The following COX18 variants were observed in gnomAD, a reference collection of about 807,000 sequenced individuals.
COX18 encodes the protein cytochrome c oxidase assembly protein COX18, mitochondrial.
COX18 carries 45 observed loss-of-function variants against 38.0 expected under a neutral mutation model. The ratio of observed to expected loss-of-function variants is 1.18; its 90% CI spans 0.93 to 1.52. The LOEUF (loss-of-function observed/expected upper bound fraction) is 1.52. Ranked by LOEUF, COX18 falls within the 40% of genes most tolerant of loss-of-function variation. COX18 has a pLI of 0.00. For synonymous variants in COX18, 177 were observed against 169.8 expected, an observed-to-expected ratio of 1.04 and a Z score of -0.33; for missense variants, 462 against 423.8, an observed-to-expected ratio of 1.09 and a Z score of -0.79.
In COX18 at chr4:73,058,188, T is replaced by C. The variant is rs754615094; in HGVS notation, c.931A>G (p.Thr311Ala). The C allele has an allele frequency of 6.8e-6, 11 of 1,613,558 alleles. No individual in the cohort carries two copies. Among genetic ancestry groups the C allele is most frequent in the African/African-American group, 2.7e-5 (2 of 74,874 alleles). ...GFRQLCRIPS[T>A]KSDSETPYKD... ...TAAGGAGTTTCTGAATCTGACTTGG[T>C]CGATGGTATTCGGCAAAGTTGGCGA... Residue 311 changes from threonine to alanine, a missense_variant, in exon 6 of 6, where the codon ACC becomes GCC. Thr to Ala is a moderately conservative substitution (Grantham distance 58). Coordinates refer to ENST00000507544, the MANE Select transcript of COX18 (RefSeq NM_001297732.2).
intron 3 of COX18, 131 bp from the exon 4 acceptor site, chr4:73,065,033 C>A (rs1720367253): frequency 2.0e-6 from 2 of 1,020,888 alleles, no homozygotes; most frequent in Middle Eastern, 3.1e-4. Context: ...TGGATTTATT[C>A]CAGTTTTTCA....
rs1719822123 is a variant in COX18 at position 73,054,558 on chromosome 4, A to C, written c.*3556T>G. On this transcript the variant is annotated 3_prime_UTR_variant, in exon 6 of 6. Coordinates refer to ENST00000507544, the MANE Select transcript of COX18 (RefSeq NM_001297732.2). Reference sequence around the variant, plus strand: ...TGGAGGAAGGGCCTTGTATTCTCAAACTTCCTGTATATATTTGAAAAGAAA... The same window carrying C: ...TGGAGGAAGGGCCTTGTATTCTCAACCTTCCTGTATATATTTGAAAAGAAA... 1 of 152,170 alleles carries C rather than the reference A, an allele frequency of 6.6e-6. No individual in the cohort carries two copies. Among genetic ancestry groups the C allele is most frequent in the Admixed American group, 6.5e-5 (1 of 15,270 alleles). The allele number at this position is 152,170 out of a possible 1,614,324, so 9.4% of individuals were successfully genotyped here.
intron 2 of COX18, among the ~76,000 whole-genome samples, chr4:73,067,333 C>G (rs553246044): frequency 7.2e-5 from 11 of 152,310 alleles, no homozygotes; most frequent in South Asian, 2.1e-4. Context: ...TCCTGTGAAC[C>G]CTGCCCTGAC....
At chr4:73,065,014 G>A in intron 3 of COX18, 112 bp from the exon 4 acceptor site, 5 of 1,092,714 alleles carry the variant, frequency 4.6e-6, no homozygotes, top group Non-Finnish European at 6.6e-6. Flanking sequence ...TCACAGGAAA[G>A]ATCTGCACTG....
At position 73,052,970 on chromosome 4, in the gene COX18, TAGA is replaced by T. The variant is rs1719782493; in HGVS notation, c.*5141_*5143del. On this transcript the variant is annotated 3_prime_UTR_variant, in exon 6 of 6. Transcript: ENST00000507544. ...AAAAAAAGGTGATTCCTGGGATTCTTAGAAGAATAAAATATGAAGGTATAAGTG... is the reference window on the plus strand; with the variant it reads ...AAAAAAAGGTGATTCCTGGGATTCTTAGAATAAAATATGAAGGTATAAGTG... 1 of 151,790 alleles carries T rather than the reference TAGA, an allele frequency of 6.6e-6. No individual in the cohort carries two copies. The highest frequency in any genetic ancestry group is 6.6e-5 in the Admixed American group (1 of 15,248). 9.4% of individuals were successfully genotyped at this position (151,790 alleles called of 1,614,324 possible). A position where few individuals can be genotyped will look rare whatever the true frequency, so the allele number is the denominator to read the frequency against.
intron 5 of COX18, among the ~76,000 whole-genome samples, chr4:73,060,510 TA>T (rs2110048823): frequency 6.6e-6 from 1 of 152,198 alleles, no homozygotes; most frequent in East Asian, 1.9e-4. Flanking sequence ...TGCATAGGAT[TA>T]ATGACAGTAT....
At chr4:73,066,720 T>C (rs553262420) in intron 2 of COX18, among the ~76,000 whole-genome samples, 4 of 152,330 alleles carry the variant, frequency 2.6e-5, no homozygotes, top group Admixed American at 2.6e-4. Context: ...TTTTGGCCTA[T>C]GGCTGAAGCT....
At position 73,056,140 on chromosome 4, in the gene COX18, C is replaced by T. The variant is rs767247895; in HGVS notation, c.*1974G>A. On this transcript the variant is annotated 3_prime_UTR_variant, in exon 6 of 6. Coordinates refer to ENST00000507544, the MANE Select transcript of COX18 (RefSeq NM_001297732.2). ...ATTGAGATGGAATGATAGGGTTTCC[C>T]AGAATCAGGTCCATATTTTAACTAA... 3.3e-5 allele frequency: 5 copies of T among 151,984 alleles called. No individual in the cohort carries two copies. The highest frequency in any genetic ancestry group is 6.6e-5 in the Admixed American group (1 of 15,252). 9.4% of individuals were successfully genotyped at this position (151,984 alleles called of 1,614,324 possible).
In COX18 at chr4:73,068,071, G is replaced by C. The variant is rs778411348; in HGVS notation, c.392C>G (p.Ala131Gly). 3.1e-6 allele frequency: 5 copies of C among 1,607,440 alleles called. No individual in the cohort carries two copies. In the African/African-American group the frequency reaches 4.0e-5, roughly 13 times the overall value. The change falls in exon 2 of 6, where the codon GCA becomes GGA. Residue 131 changes from alanine to glycine, a missense_variant. By Grantham distance (60) the Ala-to-Gly change is moderately conservative (BLOSUM62 0). Transcript: ENST00000507544. ...TIARHLNQEV[A>G]VRANQLGWSK... ...CCACCCCAACTGATTTGCACGAACT[G>C]CAACTTCTTGGTTAAGATGCCTGGC...
intron 1 of COX18, among the ~76,000 whole-genome samples, chr4:73,068,340 G>C (rs1415401053): frequency 1.3e-5 from 2 of 152,084 alleles, no homozygotes; most frequent in Non-Finnish European, 2.9e-5. Context: ...GTGATCCTGT[G>C]CAAGTAACTT....
chr4:73,067,864 A>AAATATATATATAT, intron 2 of COX18, among the ~76,000 whole-genome samples, 165 bp downstream of exon 2: 3 of 20,010 alleles, frequency 1.5e-4, no homozygotes, highest in Non-Finnish European at 4.6e-4. Flanking sequence ...AAAAAAAAAA[A>AAATATATATATAT]ATATATATAT....
At chr4:73,066,319 T>C (rs1223377028) in intron 2 of COX18, among the ~76,000 whole-genome samples, 2 of 152,212 alleles carry the variant, frequency 1.3e-5, no homozygotes, top group African/African-American at 4.8e-5. Context: ...TTATATCATC[T>C]GTGTGGAAAG....
Position 73,058,121 on chromosome 4 carries a change from C to A in COX18, c.998G>T (p.Arg333Ile). The A allele has an allele frequency of 6.3e-7, 1 of 1,575,436 alleles. No homozygotes were observed. Among genetic ancestry groups the A allele is most frequent in the Non-Finnish European group, 8.6e-7 (1 of 1,156,812 alleles). Residue 333 changes from arginine to isoleucine, a missense_variant, in exon 6 of 6, where the codon AGA becomes ATA. Coordinates refer to ENST00000507544, the MANE Select transcript of COX18 (RefSeq NM_001297732.2). The stretch of plus-strand genomic sequence containing the variant: ...AAATTATTGGAAAATATGTCATTTT[C>A]TTGAAATGAACTTGGTATTAAAGGC... ...FAAFNTKFIS[R>I]K is the part of the protein sequence containing the mutation.
intron 2 of COX18, among the ~76,000 whole-genome samples, 165 bp downstream of exon 2, chr4:73,067,864 A>AAAAAAAAAAAATATATAT: frequency 6.0e-4 from 12 of 20,022 alleles, no homozygotes; most frequent in East Asian, 4.7e-3. Context: ...AAAAAAAAAA[A>AAAAAAAAAAAATATATAT]ATATATATAT....
intron 2 of COX18, among the ~76,000 whole-genome samples, chr4:73,067,047 C>T (rs964334863): frequency 2.8e-4 from 43 of 152,154 alleles, no homozygotes; most frequent in African/African-American, 1.0e-3. Context: ...AGCAAGAGGG[C>T]TTGTAAGTTC....
At chr4:73,065,476 T>C in intron 2 of COX18, 63 bp from the exon 3 acceptor site, 1 of 1,419,718 alleles carries the variant, frequency 7.0e-7, no homozygotes, top group Middle Eastern at 1.8e-4. Flanking sequence ...TCGTGCTTTA[T>C]TTCCATAGCA....
chr4:73,065,536 C>A lies in COX18; in HGVS notation c.435-123G>T, dbSNP rs188958893. ...AGCTAAAGGATTTGTATAAGGGTTT[C>A]AGCTGTCACAGGCATGTTAAGGAGT... On this transcript the variant is annotated intron_variant, in intron 2 of 5. Transcript: ENST00000507544. The A allele has an allele frequency of 2.9e-5, 22 of 762,794 alleles. No homozygotes were observed. In the East Asian group the frequency reaches 5.3e-4, roughly 18 times the overall value. 47.3% of individuals were successfully genotyped at this position (762,794 alleles called of 1,614,324 possible).
rs1720090632 is a variant in COX18 at position 73,060,358 on chromosome 4, A to G, written c.831+1455T>C. ...TAGCTGGTATGATTGCTCTGTGGAA[A>G]TGTAGTGAATCTGTGCCGTTCTACT... On this transcript the variant is annotated intron_variant, in intron 5 of 5. Transcript: ENST00000507544. 2.0e-5 allele frequency among the ~76,000 whole-genome samples: 3 copies of G among 152,060 alleles called. 1 individual carries two copies. The highest frequency in any genetic ancestry group is 2.0e-4 in the Admixed American group (3 of 15,270).
chr4:73,060,173 C>T (rs893391127), intron 5 of COX18, among the ~76,000 whole-genome samples: 5 of 152,218 alleles, frequency 3.3e-5, no homozygotes, highest in Admixed American at 6.5e-5. Flanking sequence ...CTTGTCTCAT[C>T]ATCCCTAAGC....
Sources: gnomAD v4.1 joint callset for allele counts (sites outside exome capture counted in the v4.1 genomes callset) on GRCh38, gnomAD v4.1.1 for gene constraint, MANE v1.5 for transcripts, NCBI Gene and HGNC (gene_info 2026-07-23, HGNC 2026-07-21) for gene names.